The following MPDZ variants were observed in gnomAD, a reference collection of about 807,000 sequenced individuals.
The protein encoded by MPDZ is multiple PDZ domain crumbs cell polarity complex component.
Under a neutral mutation model 239.1 loss-of-function variants are expected in MPDZ, and 234 were observed. The observed-to-expected ratio is 0.98, with a 90% CI of 0.88 to 1.09. MPDZ has a LOEUF of 1.09. MPDZ is among the 50% of genes least tolerant of loss of function. The pLI is 0.00. For synonymous variants in MPDZ, 1,048 were observed against 881.3 expected (o/e 1.19, Z -3.35); for missense variants, 3,175 against 2,510.0 (o/e 1.26, Z -5.66).
At chr9:13,158,988 A>C (rs1003701319) in intron 23 of MPDZ, among the ~76,000 whole-genome samples, 7 of 152,204 alleles carry the variant, frequency 4.6e-5, no homozygotes, top group Admixed American at 2.6e-4. Flanking sequence ...AAAGCAGAGA[A>C]GGCTATAAAA....
chr9:13,191,804 T>G (rs1023228363), intron 15 of MPDZ, among the ~76,000 whole-genome samples: 6 of 152,182 alleles, frequency 3.9e-5, no homozygotes, highest in African/African-American at 1.2e-4. Context: ...GCAAGTAAAT[T>G]AAACAAGTAT....
chr9:13,180,258 T>C (rs1953103595), intron 19 of MPDZ, among the ~76,000 whole-genome samples: 2 of 152,176 alleles, frequency 1.3e-5, no homozygotes, highest in Admixed American at 6.6e-5. Context: ...TTCAGACTAC[T>C]AAAAAATATC....
rs1443485517 is a variant in MPDZ at position 13,216,679 on chromosome 9, C to G, written c.1290+95G>C. ...GTCACCAAAAAAGCTTAAATTAGTACAGAGTTAACTCTAGCTCTCAAAACT... is the reference window on the plus strand; with the variant it reads ...GTCACCAAAAAAGCTTAAATTAGTAGAGAGTTAACTCTAGCTCTCAAAACT... On this transcript the variant is annotated intron_variant, in intron 10 of 46. Transcript: ENST00000319217. The G allele has an allele frequency of 1.2e-5, 10 of 843,906 alleles. No homozygotes were observed. The African/African-American group carries it at 1.4e-4, about 12-fold the overall frequency. 52.3% of individuals were successfully genotyped at this position (843,906 alleles called of 1,614,324 possible).
chr9:13,132,362 C>A (rs1413297450), intron 32 of MPDZ, among the ~76,000 whole-genome samples: 5 of 152,292 alleles, frequency 3.3e-5, no homozygotes, highest in African/African-American at 1.2e-4. Context: ...GTGAGAAGGG[C>A]TTCTGACAGC....
At chr9:13,114,820 C>T (rs1054703834) in intron 40 of MPDZ, among the ~76,000 whole-genome samples, 7 of 152,050 alleles carry the variant, frequency 4.6e-5, no homozygotes, top group East Asian at 1.9e-4. Context: ...GAATCTACTT[C>T]GCCCGGGAGG....
At position 13,136,320 on chromosome 9, in the gene MPDZ, G is replaced by GTTTTTTTTTTTTTTTT. The variant is rs1444109820; in HGVS notation, c.4293-139_4293-138insAAAAAAAAAAAAAAAA. 4.6e-4 allele frequency: 90 copies of GTTTTTTTTTTTTTTTT among 194,628 alleles called. 15 individuals carry two copies. Among genetic ancestry groups the GTTTTTTTTTTTTTTTT allele is most frequent in the African/African-American group, 2.1e-3 (32 of 15,148 alleles). 12.1% of individuals were successfully genotyped at this position (194,628 alleles called of 1,614,324 possible). ...CTGTGACACTTACAAATTTACAAAC[G>GTTTTTTTTTTTTTTTT]TTTTCTTTTTTTTTTTTTTTTTTTT... On this transcript the variant is annotated intron_variant, in intron 30 of 46. Coordinates refer to ENST00000319217, the MANE Select transcript of MPDZ (RefSeq NM_001378778.1).
At chr9:13,149,923 T>C (rs1021604412) in intron 25 of MPDZ, among the ~76,000 whole-genome samples, 5 of 151,634 alleles carry the variant, frequency 3.3e-5, no homozygotes, top group African/African-American at 9.7e-5. Flanking sequence ...AGGATTTACA[T>C]GAAAGGTAAC....
chr9:13,226,610 G>T (rs924857578), intron 3 of MPDZ, among the ~76,000 whole-genome samples: 2 of 151,884 alleles, frequency 1.3e-5, no homozygotes, highest in Non-Finnish European at 2.9e-5. Context: ...GTCCTCCTTC[G>T]CATTCCTATC....
At chr9:13,210,834 A>G (rs1475769489) in intron 10 of MPDZ, among the ~76,000 whole-genome samples, 2 of 152,068 alleles carry the variant, frequency 1.3e-5, no homozygotes, top group African/African-American at 2.4e-5. Context: ...AGCCAAATAT[A>G]CCTCCACTGG....
chr9:13,172,683 G>A (rs142208247), intron 21 of MPDZ, among the ~76,000 whole-genome samples: 260 of 152,086 alleles, frequency 1.7e-3, no homozygotes, highest in African/African-American at 5.9e-3. Flanking sequence ...CACCGCGCCC[G>A]GCCAAATGTT....
Position 13,193,203 on chromosome 9 carries a change from G to A in MPDZ, c.1767C>T (p.His589=). The A allele has an allele frequency of 6.2e-7, 1 of 1,602,552 alleles. No homozygotes were observed. The highest frequency in any genetic ancestry group is 1.3e-5 in the African/African-American group (1 of 74,760). The change falls in exon 14 of 47, where the codon CAC becomes CAT. Residue 589 remains histidine, a synonymous_variant. Coordinates refer to ENST00000319217, the MANE Select transcript of MPDZ (RefSeq NM_001378778.1). ...RSVLPEGPVG[H]SGKLFSGDEL... ...CGTCTCCACTGAAGAGCTTCCCGCT[G>A]TGTCCAACAGGACCCTCTGGTAGAA...
intron 21 of MPDZ, among the ~76,000 whole-genome samples, chr9:13,174,304 T>C (rs1051759402): frequency 2.0e-5 from 3 of 152,198 alleles, no homozygotes; most frequent in African/African-American, 7.2e-5. Flanking sequence ...CTTAAACTTG[T>C]GTTAAGAACA....
intron 1 of MPDZ, among the ~76,000 whole-genome samples, chr9:13,255,136 T>C (rs73408253): frequency 3.9e-5 from 6 of 152,320 alleles, no homozygotes; most frequent in African/African-American, 4.8e-5. Context: ...ATACATTTCA[T>C]CTCAAGAAAC....
intron 35 of MPDZ, among the ~76,000 whole-genome samples, 176 bp from the exon 36 acceptor site, chr9:13,123,474 CAAATGTGATT>C (rs1221773467): frequency 6.6e-6 from 1 of 152,020 alleles, no homozygotes; most frequent in Non-Finnish European, 1.5e-5. Flanking sequence ...AAAAATAAAA[CAAATGTGATT>C]AAATCACCAT....
At chr9:13,201,971 T>C (rs779644275) in intron 12 of MPDZ, among the ~76,000 whole-genome samples, 9 of 152,290 alleles carry the variant, frequency 5.9e-5, no homozygotes, top group East Asian at 3.9e-4. Context: ...TCTGCGTCCA[T>C]TGCTGGAGGT....
At position 13,175,961 on chromosome 9, in the gene MPDZ, A is replaced by G; in HGVS notation, c.2932-86T>C. 11 of 1,477,748 alleles carry G rather than the reference A, an allele frequency of 7.4e-6. No individual in the cohort carries two copies. The South Asian group carries it at 1.2e-4, about 16-fold the overall frequency. 91.5% of individuals were successfully genotyped at this position (1,477,748 alleles called of 1,614,324 possible). ...GATTTCAACATCACGCATGTTCTCTAATTGATTGTGCTTTATTTTGCAAGA... is the reference window on the plus strand; with the variant it reads ...GATTTCAACATCACGCATGTTCTCTGATTGATTGTGCTTTATTTTGCAAGA... On this transcript the variant is annotated intron_variant, in intron 20 of 46. Transcript: ENST00000319217.
At chr9:13,252,568 CA>C (rs56937303) in intron 1 of MPDZ, among the ~76,000 whole-genome samples, 149 of 129,690 alleles carry the variant, frequency 1.1e-3, no homozygotes, top group Admixed American at 5.6e-3. Flanking sequence ...CTGTCCCCCG[CA>C]AAAAAAAAAA....
At chr9:13,150,430 G>C in intron 25 of MPDZ, 81 bp downstream of exon 25, 1 of 1,150,698 alleles carries the variant, frequency 8.7e-7, no homozygotes. Context: ...AAAACTTAAA[G>C]TATAATAATA....
chr9:13,268,885 A>G (rs1262100259), intron 1 of MPDZ, among the ~76,000 whole-genome samples: 1 of 152,094 alleles, frequency 6.6e-6, no homozygotes, highest in East Asian at 1.9e-4. Flanking sequence ...TTGGGGAGGG[A>G]GTTTGGAGGG....
Sources: gnomAD v4.1 joint callset for allele counts (sites outside exome capture counted in the v4.1 genomes callset) on GRCh38, gnomAD v4.1.1 for gene constraint, MANE v1.5 for transcripts, NCBI Gene and HGNC (gene_info 2026-07-23, HGNC 2026-07-21) for gene names.